The following KLHL29 variants were observed in gnomAD, a reference collection of about 807,000 sequenced individuals.
KLHL29 encodes kelch like family member 29, also known as kelch-like protein 29.
A neutral mutation model predicts 80.4 loss-of-function variants in KLHL29; 21 were observed. That is an observed-to-expected ratio of 0.26 (90% CI 0.19 to 0.38). KLHL29 has a LOEUF of 0.38. KLHL29 is among the 10% of genes least tolerant of loss of function. The pLI, the probability that KLHL29 is intolerant of heterozygous loss-of-function variation, is 1.00. For missense variants in KLHL29, 867 were observed against 1,223.9 expected (o/e 0.71, Z 4.35); for synonymous variants, 511 against 526.8 (o/e 0.97, Z 0.41).
At chr2:23,677,152 A>G (rs1558435640) in intron 5 of KLHL29, among the ~76,000 whole-genome samples, 1 of 152,228 alleles carries the variant, frequency 6.6e-6, no homozygotes, top group Non-Finnish European at 1.5e-5. Flanking sequence ...GGGCATGAGA[A>G]TGTTCCAGCT....
chr2:23,601,814 C>T (rs1281677590), intron 3 of KLHL29, among the ~76,000 whole-genome samples: 3 of 152,142 alleles, frequency 2.0e-5, no homozygotes, highest in Non-Finnish European at 4.4e-5. Context: ...GGTTTCCATC[C>T]CACATCCGAG....
At chr2:23,702,801 C>T (rs570731460) in intron 11 of KLHL29, among the ~76,000 whole-genome samples, 12 of 151,706 alleles carry the variant, frequency 7.9e-5, no homozygotes, top group East Asian at 3.9e-4. Context: ...TCATCCAGCA[C>T]GTTTCTCCAG....
At chr2:23,602,589 G>T (rs1668598844) in intron 3 of KLHL29, among the ~76,000 whole-genome samples, 1 of 151,450 alleles carries the variant, frequency 6.6e-6, no homozygotes, top group South Asian at 2.1e-4. Context: ...CCAAGGGACA[G>T]CTCCAGGCAG....
At position 23,431,271 on chromosome 2, in the gene KLHL29, G is replaced by A. The variant is rs987526566; in HGVS notation, c.-153-44289G>A. On this transcript the variant is annotated intron_variant, in intron 1 of 13. Coordinates refer to ENST00000486442, the MANE Select transcript of KLHL29 (RefSeq NM_052920.2). ...TGGCAGATGGGTCCTTTATCTAAAT[G>A]TGTGACCCTGTGTTCAGAGCTCAAG... Among the ~76,000 whole-genome samples, 4 of 152,354 alleles carry A rather than the reference G, an allele frequency of 2.6e-5. No homozygotes were observed. In the East Asian group the frequency reaches 5.8e-4, roughly 22 times the overall value.
rs535530012 is a variant in KLHL29, at chr2:23,472,465, C to T, written c.-153-3095C>T. On this transcript the variant is annotated intron_variant, in intron 1 of 13. Coordinates refer to ENST00000486442, the MANE Select transcript of KLHL29 (RefSeq NM_052920.2). Reference sequence around the variant, plus strand: ...CCTGACCAACATGATGAAACCCTGTCTCTACTAAAAATACAAAAATTAGCC... The same window carrying T: ...CCTGACCAACATGATGAAACCCTGTTTCTACTAAAAATACAAAAATTAGCC... Among the ~76,000 whole-genome samples the T allele has an allele frequency of 1.1e-3, 160 of 152,264 alleles. 1 individual carries two copies. The highest frequency in any genetic ancestry group is 2.7e-3 in the South Asian group (13 of 4,822).
intron 5 of KLHL29, among the ~76,000 whole-genome samples, chr2:23,658,322 G>T (rs376727647): frequency 2.6e-5 from 4 of 152,150 alleles, no homozygotes; most frequent in Non-Finnish European, 5.9e-5. Context: ...ACACCAGGGT[G>T]GGGAAGATGC....
chr2:23,603,368 G>A (rs887366972), intron 3 of KLHL29, among the ~76,000 whole-genome samples: 1 of 152,108 alleles, frequency 6.6e-6, no homozygotes, highest in Non-Finnish European at 1.5e-5. Context: ...CTACAGCGGC[G>A]GCAGTCAGGG....
chr2:23,643,027 G>A (rs1359493613), intron 5 of KLHL29, 177 bp downstream of exon 5: 8 of 790,088 alleles, frequency 1.0e-5, no homozygotes, highest in South Asian at 5.9e-5. Context: ...GATGGGGGAG[G>A]GAGGGGGAAG....
At chr2:23,553,968 G>A (rs1386117315) in intron 2 of KLHL29, among the ~76,000 whole-genome samples, 1 of 152,280 alleles carries the variant, frequency 6.6e-6, no homozygotes, top group Non-Finnish European at 1.5e-5. Flanking sequence ...AAGAGAGGGC[G>A]CATCAAAGAA....
chr2:23,443,328 C>T (rs1452473499), intron 1 of KLHL29, among the ~76,000 whole-genome samples: 1 of 152,192 alleles, frequency 6.6e-6, no homozygotes, highest in African/African-American at 2.4e-5. Context: ...GTGGTCATTA[C>T]ACCTAATAAG....
chr2:23,441,479 TAAG>T (rs949890017), intron 1 of KLHL29, among the ~76,000 whole-genome samples: 30 of 150,492 alleles, frequency 2.0e-4, no homozygotes, highest in Admixed American at 5.3e-4. Context: ...TAAAGTATAA[TAAG>T]AATAATAATA....
intron 2 of KLHL29, among the ~76,000 whole-genome samples, chr2:23,523,780 G>A (rs941218370): frequency 1.3e-5 from 2 of 152,216 alleles, no homozygotes; most frequent in Admixed American, 1.3e-4. Flanking sequence ...GCCGACGAGG[G>A]AGCAATGATT....
At position 23,691,744 on chromosome 2, in the gene KLHL29, G is replaced by A. The variant is rs563441134; in HGVS notation, c.1150G>A (p.Val384Ile). Reference sequence around the variant, plus strand: ...CGTCCTGTCGAACCTGCAGGCAGACGTCCTGGAGTTGCTGCTGGAGTTTGT... The same window carrying A: ...CGTCCTGTCGAACCTGCAGGCAGACATCCTGGAGTTGCTGCTGGAGTTTGT... ...ELVLSNLQAD[V>I]LELLLEFVYT... The change falls in exon 7 of 14, where the codon GTC becomes ATC. Residue 384 changes from valine (V) to isoleucine (I), a missense_variant. Transcript: ENST00000486442. 14 of 1,551,796 alleles carry A rather than the reference G, an allele frequency of 9.0e-6. No individual in the cohort carries two copies. The highest frequency in any genetic ancestry group is 8.3e-5 in the South Asian group (7 of 84,066).
chr2:23,626,422 A>T (rs1420677052), intron 3 of KLHL29, among the ~76,000 whole-genome samples: 5 of 152,182 alleles, frequency 3.3e-5, no homozygotes, highest in African/African-American at 1.2e-4. Context: ...CCATCCAGTG[A>T]TATTTTATTT....
At chr2:23,390,396 C>T (rs1008165587) in intron 1 of KLHL29, among the ~76,000 whole-genome samples, 2 of 152,104 alleles carry the variant, frequency 1.3e-5, no homozygotes, top group Non-Finnish European at 2.9e-5. Flanking sequence ...CTAGCGTGCG[C>T]AAAGACGACA....
At position 23,647,023 on chromosome 2, in the gene KLHL29, G is replaced by A. The variant is rs908399322; in HGVS notation, c.940+4173G>A. 6.6e-6 allele frequency among the ~76,000 whole-genome samples: 1 copy of A among 152,214 alleles called. No individual in the cohort carries two copies. The highest frequency in any genetic ancestry group is 1.5e-5 in the Non-Finnish European group (1 of 68,034). On this transcript the variant is annotated intron_variant, in intron 5 of 13. Coordinates refer to ENST00000486442, the MANE Select transcript of KLHL29 (RefSeq NM_052920.2). This position sits in a 1 kb window ranked among gnomAD's most constrained non-coding sequence, Gnocchi z 4.9. ...TCAGCAGAGAAGGAGGCTAGGGAAG[G>A]GGCAGAAGGCCAGGCCCTCCCCAGC... is the stretch of plus-strand genomic sequence containing the variant.
chr2:23,705,550 G>T (rs984921625), intron 13 of KLHL29, among the ~76,000 whole-genome samples: 2 of 152,084 alleles, frequency 1.3e-5, no homozygotes, highest in Non-Finnish European at 1.5e-5. Flanking sequence ...GCTGGGTCTT[G>T]CAAGATAATC....
chr2:23,545,703 G>T (rs921006476), intron 2 of KLHL29, among the ~76,000 whole-genome samples: 2 of 152,224 alleles, frequency 1.3e-5, no homozygotes, highest in Non-Finnish European at 2.9e-5. Context: ...TGCTCCTGGG[G>T]ACGAGTCATT....
At chr2:23,399,726 C>G (rs926949213) in intron 1 of KLHL29, among the ~76,000 whole-genome samples, 2 of 152,222 alleles carry the variant, frequency 1.3e-5, no homozygotes, top group African/African-American at 4.8e-5. Context: ...CTCCTGCCCT[C>G]TTCTGGTCAA....
Sources: gnomAD v4.1 joint callset for allele counts (sites outside exome capture counted in the v4.1 genomes callset) on GRCh38, gnomAD v4.1.1 for gene constraint, Gnocchi (gnomAD v3.1) non-coding constraint, MANE v1.5 for transcripts, NCBI Gene and HGNC (gene_info 2026-07-23, HGNC 2026-07-21) for gene names.